CLSTN2: variants seen among roughly 807,000 people sequenced by gnomAD.
The protein encoded by CLSTN2 is calsyntenin 2.
A neutral mutation model predicts 101.2 loss-of-function variants in CLSTN2; 48 were observed. The observed-to-expected ratio is 0.47, with a 90% CI of 0.38 to 0.60. CLSTN2 has a LOEUF of 0.60. CLSTN2 is among the 20% of genes least tolerant of loss of function. CLSTN2 has a pLI of 0.00. For missense variants in CLSTN2, 1,160 were observed against 1,238.2 expected, an observed-to-expected ratio of 0.94 and a Z score of 0.95; for synonymous variants, 481 against 463.6, an observed-to-expected ratio of 1.04 and a Z score of -0.48.
rs192535059 is a variant in CLSTN2 at position 140,000,890 on chromosome 3, T to A, written c.109+65407T>A. Among the ~76,000 whole-genome samples, 3 of 152,294 alleles carry A rather than the reference T, an allele frequency of 2.0e-5. No homozygotes were observed. The East Asian group carries it at 5.8e-4, about 29-fold the overall frequency. ...TACCAAAGGCCTGTAAGCCTGACAG[T>A]CCAGTATTAGGGGCCTTTATTTTAG... On this transcript the variant is annotated intron_variant, in intron 1 of 16. Coordinates refer to ENST00000458420, the MANE Select transcript of CLSTN2 (RefSeq NM_022131.3).
chr3:140,100,118 C>T (rs947991718), intron 1 of CLSTN2, among the ~76,000 whole-genome samples: 1 of 151,642 alleles, frequency 6.6e-6, no homozygotes, highest in South Asian at 2.1e-4. Context: ...TTTTAAAATC[C>T]AACATTATCC....
intron 1 of CLSTN2, among the ~76,000 whole-genome samples, chr3:139,991,881 A>T (rs923538968): frequency 6.6e-6 from 1 of 152,172 alleles, no homozygotes; most frequent in Non-Finnish European, 1.5e-5. Context: ...TTACCCTCCC[A>T]TACAGCCCCT....
intron 10 of CLSTN2, among the ~76,000 whole-genome samples, chr3:140,555,486 A>G (rs991593272): frequency 6.6e-6 from 1 of 152,244 alleles, no homozygotes; most frequent in African/African-American, 2.4e-5. Context: ...GATGGGAGAT[A>G]GAAATGAGAT....
chr3:139,936,034 G>A (rs2107804482), intron 1 of CLSTN2, among the ~76,000 whole-genome samples: 1 of 152,280 alleles, frequency 6.6e-6, no homozygotes, highest in South Asian at 2.1e-4. Flanking sequence ...GGTAGGCGGC[G>A]GGGTCCGGAA....
At chr3:140,120,166 C>T (rs1329768722) in intron 1 of CLSTN2, among the ~76,000 whole-genome samples, 4 of 152,120 alleles carry the variant, frequency 2.6e-5, no homozygotes, top group Non-Finnish European at 5.9e-5. Context: ...CCTACCACCA[C>T]CCCAGATACT....
At chr3:140,434,764 A>G (rs1576565874) in intron 5 of CLSTN2, among the ~76,000 whole-genome samples, 1 of 152,200 alleles carries the variant, frequency 6.6e-6, no homozygotes, top group Non-Finnish European at 1.5e-5. Context: ...TGTATGACTG[A>G]CAGGAGACAG....
rs1021663825 is a variant in CLSTN2, at chr3:140,461,267, G to C, written c.1222+1498G>C. The C allele has an allele frequency of 3.9e-5, 6 of 152,296 alleles. No individual in the cohort carries two copies. In the East Asian group the frequency reaches 1.2e-3, roughly 29 times the overall value. The allele number at this position is 152,296 out of a possible 1,614,324, so 9.4% of individuals were successfully genotyped here. ...GTGCCAAGGACAGGTTTTTCTTTGG[G>C]ACCTTCACGCAGGAAGGTGGAGGTT... On this transcript the variant is annotated intron_variant, in intron 7 of 16. Transcript: ENST00000458420.
At chr3:140,126,517 T>C (rs920031733) in intron 1 of CLSTN2, among the ~76,000 whole-genome samples, 1 of 152,052 alleles carries the variant, frequency 6.6e-6, no homozygotes, top group Non-Finnish European at 1.5e-5. Flanking sequence ...GTGAAGGAAC[T>C]ATCCAAAGCT....
intron 2 of CLSTN2, among the ~76,000 whole-genome samples, chr3:140,381,384 A>G (rs1355178030): frequency 5.9e-5 from 9 of 152,170 alleles, no homozygotes; most frequent in Non-Finnish European, 1.3e-4. Context: ...TTGGGGGGAC[A>G]CATAATACAC....
At chr3:140,403,854 C>A (rs763539458) in intron 3 of CLSTN2, 30 bp downstream of exon 3, 42 of 1,561,104 alleles carry the variant, frequency 2.7e-5, no homozygotes, top group Non-Finnish European at 3.3e-5. Context: ...CCTCTGGACG[C>A]CCCTCCCTCC....
intron 1 of CLSTN2, among the ~76,000 whole-genome samples, chr3:140,169,810 A>G (rs1446184548): frequency 2.0e-5 from 3 of 152,080 alleles, no homozygotes; most frequent in Non-Finnish European, 4.4e-5. Context: ...GCAAGGGTAC[A>G]CCTTAGCTAC....
At chr3:140,418,814 C>A (rs762473170) in intron 4 of CLSTN2, among the ~76,000 whole-genome samples, 1 of 152,078 alleles carries the variant, frequency 6.6e-6, no homozygotes, top group Non-Finnish European at 1.5e-5. Context: ...CTGCGCCGGG[C>A]TGATTATTCT....
chr3:140,118,537 A>T (rs1315692316), intron 1 of CLSTN2, among the ~76,000 whole-genome samples: 1 of 151,958 alleles, frequency 6.6e-6, no homozygotes, highest in Non-Finnish European at 1.5e-5. Context: ...GACAGTGGTT[A>T]CAAGGGGCAA....
At chr3:139,948,984 C>T (rs1244605867) in intron 1 of CLSTN2, among the ~76,000 whole-genome samples, 3 of 152,162 alleles carry the variant, frequency 2.0e-5, no homozygotes, top group East Asian at 1.9e-4. Flanking sequence ...ATCTGCAGGA[C>T]GACCCAGTTT....
chr3:140,226,782 G>A (rs2086324368), intron 2 of CLSTN2, among the ~76,000 whole-genome samples: 1 of 152,158 alleles, frequency 6.6e-6, no homozygotes, highest in Non-Finnish European at 1.5e-5. Flanking sequence ...CCCCAATCAA[G>A]GCAGAAGTCA....
intron 1 of CLSTN2, among the ~76,000 whole-genome samples, chr3:139,995,261 G>T (rs1936183174): frequency 6.6e-6 from 1 of 152,128 alleles, no homozygotes; most frequent in African/African-American, 2.4e-5. Context: ...CATCACCCAT[G>T]AACAGAGATC....
chr3:140,491,197 C>A lies in CLSTN2; in HGVS notation c.1344+24466C>A, dbSNP rs560383873. Among the ~76,000 whole-genome samples the A allele has an allele frequency of 5.4e-4, 83 of 152,328 alleles. No individual in the cohort carries two copies. The South Asian group carries it at 0.016, about 29-fold the overall frequency. On this transcript the variant is annotated intron_variant, in intron 8 of 16. Coordinates refer to ENST00000458420, the MANE Select transcript of CLSTN2 (RefSeq NM_022131.3). ...GTGCCCCTCCGGCCTTCTCTTTACT[C>A]CCTTCTACTTTGCCTTCATGATCTT...
chr3:140,506,921 A>T (rs1373157125), intron 8 of CLSTN2: 1 of 152,238 alleles, frequency 6.6e-6, no homozygotes, highest in Non-Finnish European at 1.5e-5. Context: ...ACAGTATTAA[A>T]TTCACCTGTT....
chr3:140,236,967 A>G (rs141041602), intron 2 of CLSTN2, among the ~76,000 whole-genome samples: 31 of 151,972 alleles, frequency 2.0e-4, no homozygotes, highest in African/African-American at 7.5e-4. Flanking sequence ...TCTATTAATT[A>G]CATTATCTGT....
Sources: gnomAD v4.1 joint callset for allele counts (sites outside exome capture counted in the v4.1 genomes callset) on GRCh38, gnomAD v4.1.1 for gene constraint, MANE v1.5 for transcripts, NCBI Gene and HGNC (gene_info 2026-07-23, HGNC 2026-07-21) for gene names.